Variants in AFAP1 observed in about 807,000 individuals in gnomAD.
AFAP1 encodes actin filament associated protein 1, also known as actin filament-associated protein 1.
A neutral mutation model predicts 93.9 loss-of-function variants in AFAP1; 75 were observed. That is an observed-to-expected ratio of 0.80 (90% confidence interval 0.66 to 0.97). The LOEUF is 0.97. Among genes scored for constraint, AFAP1 ranks in the 50% least tolerant of loss-of-function variants. AFAP1 has a pLI of 0.00. For missense variants in AFAP1, 1,201 were observed against 1,050.8 expected (o/e 1.14, Z -1.98); for synonymous variants, 517 against 430.7 (o/e 1.20, Z -2.48).
chr4:7,785,147 G>A (rs529441019), intron 12 of AFAP1, among the ~76,000 whole-genome samples: 34 of 152,206 alleles, frequency 2.2e-4, no homozygotes, highest in East Asian at 1.9e-4. Flanking sequence ...GCCCAGGGCC[G>A]GGCACCGTGC....
chr4:7,935,204 A>C (rs1212391342), intron 1 of AFAP1, among the ~76,000 whole-genome samples: 1 of 152,178 alleles, frequency 6.6e-6, no homozygotes. Context: ...AAATTCCATT[A>C]CATTCATGAT....
At chr4:7,770,010 C>T (rs1193052964) in intron 16 of AFAP1, among the ~76,000 whole-genome samples, 2 of 152,184 alleles carry the variant, frequency 1.3e-5, no homozygotes, top group Non-Finnish European at 2.9e-5. Flanking sequence ...CAAAGACCTG[C>T]ATCTCAAGAG....
intron 3 of AFAP1, among the ~76,000 whole-genome samples, chr4:7,865,990 G>T (rs1178011736): frequency 6.6e-6 from 1 of 152,182 alleles, no homozygotes; most frequent in African/African-American, 2.4e-5. Context: ...TCCGCCTCCT[G>T]GGTTCAAGCG....
At chr4:7,793,267 G>A (rs751268152) in intron 11 of AFAP1, among the ~76,000 whole-genome samples, 15 of 152,040 alleles carry the variant, frequency 9.9e-5, no homozygotes, top group Middle Eastern at 3.2e-3. Context: ...TTTCTGCTTC[G>A]TAGAACTGTT....
chr4:7,799,756 C>T (rs1034363897), intron 10 of AFAP1, among the ~76,000 whole-genome samples: 1 of 152,092 alleles, frequency 6.6e-6, no homozygotes, highest in African/African-American at 2.4e-5. Context: ...AGAATGTTTT[C>T]TATGATGAAA....
chr4:7,857,934 C>A (rs1715261777), intron 3 of AFAP1, among the ~76,000 whole-genome samples: 1 of 152,126 alleles, frequency 6.6e-6, no homozygotes, highest in African/African-American at 2.4e-5. Context: ...TTTTGCGTAT[C>A]CCCTTAGATC....
At chr4:7,764,726 G>A (rs1404086857) in intron 17 of AFAP1, among the ~76,000 whole-genome samples, 1 of 152,198 alleles carries the variant, frequency 6.6e-6, no homozygotes, top group Non-Finnish European at 1.5e-5. Flanking sequence ...AGTGGGCACT[G>A]GGCAGGCACT....
At chr4:7,907,542 C>T (rs1719487055) in intron 1 of AFAP1, among the ~76,000 whole-genome samples, 1 of 152,128 alleles carries the variant, frequency 6.6e-6, no homozygotes, top group Admixed American at 6.5e-5. Context: ...GCCTAGTCAC[C>T]TAACCTCTGG....
At chr4:7,793,625 T>G (rs1381666455) in intron 11 of AFAP1, 56 bp downstream of exon 11, 2 of 1,413,694 alleles carry the variant, frequency 1.4e-6, no homozygotes, top group Non-Finnish European at 1.9e-6. Context: ...TAAGCTAAGT[T>G]AGGGAAAAGA....
At chr4:7,785,289 A>C (rs1717155549) in intron 12 of AFAP1, among the ~76,000 whole-genome samples, 1 of 152,000 alleles carries the variant, frequency 6.6e-6, no homozygotes, top group Non-Finnish European at 1.5e-5. Flanking sequence ...AGACTTCAGG[A>C]CTCCTAAGGC....
chr4:7,820,041 A>G (rs1720824950), intron 6 of AFAP1, among the ~76,000 whole-genome samples: 1 of 152,226 alleles, frequency 6.6e-6, no homozygotes, highest in Admixed American at 6.5e-5. Flanking sequence ...TACAGGGACA[A>G]CAACAACGAA....
chr4:7,874,825 T>C (rs1229002974), intron 1 of AFAP1, among the ~76,000 whole-genome samples: 1 of 152,074 alleles, frequency 6.6e-6, no homozygotes, highest in African/African-American at 2.4e-5. Context: ...ATTATCATGT[T>C]TTGGTAAATG....
At chr4:7,920,819 G>T (rs1468507291) in intron 1 of AFAP1, among the ~76,000 whole-genome samples, 4 of 152,074 alleles carry the variant, frequency 2.6e-5, no homozygotes, top group African/African-American at 9.7e-5. Context: ...AATCTAAACT[G>T]TTTACAGGTC....
chr4:7,781,681 T>G, intron 12 of AFAP1, 54 bp from the exon 13 acceptor site: 4 of 1,540,024 alleles, frequency 2.6e-6, no homozygotes, highest in Non-Finnish European at 3.5e-6. Context: ...AACAGCAGCT[T>G]TTAGCACAGT....
chr4:7,785,122 G>T (rs564449110), intron 12 of AFAP1, among the ~76,000 whole-genome samples: 1 of 152,118 alleles, frequency 6.6e-6, no homozygotes, highest in Non-Finnish European at 1.5e-5. Flanking sequence ...AACTGTGAAG[G>T]CCTCATCTCT....
At chr4:7,867,790 C>G (rs1716591908) in intron 3 of AFAP1, among the ~76,000 whole-genome samples, 1 of 149,356 alleles carries the variant, frequency 6.7e-6, no homozygotes, top group African/African-American at 2.4e-5. Flanking sequence ...GCTTGTTTCC[C>G]TCTGTGCCCA....
At chr4:7,862,422 G>A (rs551774514) in intron 3 of AFAP1, 3 of 148,380 alleles carry the variant, frequency 2.0e-5, no homozygotes, top group South Asian at 2.2e-4. Context: ...GGGCGCCGGC[G>A]GCGGGAGAAT....
intron 1 of AFAP1, among the ~76,000 whole-genome samples, chr4:7,914,229 A>G (rs1373946996): frequency 5.3e-5 from 8 of 151,726 alleles, no homozygotes; most frequent in African/African-American, 1.7e-4. Context: ...TAATTTTTGT[A>G]TTTTTAGTAG....
At chr4:7,863,468 G>T (rs1392811264) in intron 3 of AFAP1, among the ~76,000 whole-genome samples, 1 of 152,116 alleles carries the variant, frequency 6.6e-6, no homozygotes, top group Non-Finnish European at 1.5e-5. Context: ...TAAAAGCACA[G>T]CTCTTTCCAC....
Sources: allele counts gnomAD v4.1 joint callset (sites outside exome capture counted in the v4.1 genomes callset), GRCh38; gene constraint gnomAD v4.1.1; transcripts MANE v1.5; gene names NCBI Gene and HGNC (gene_info 2026-07-23, HGNC 2026-07-21).